The following TTN variants were observed in gnomAD, a reference collection of about 807,000 sequenced individuals.
TTN encodes connectin.
A neutral mutation model predicts 3,223.0 loss-of-function variants in TTN; 1,525 were observed. The ratio of observed to expected loss-of-function variants is 0.47; its 90% CI spans 0.45 to 0.49. The LOEUF is 0.49. Among genes scored for constraint, TTN ranks in the 20% least tolerant of loss-of-function variants. The probability of loss-of-function intolerance (pLI) is 0.00; values close to 1 mark genes in which losing one functional copy is unlikely to be tolerated. For synonymous variants in TTN, 14,094 were observed against 15,161.0 expected (o/e 0.93, Z 5.17); for missense variants, 40,786 against 43,424.0 (o/e 0.94, Z 5.40).
intron 9 of TTN, among the ~76,000 whole-genome samples, chr2:178,792,957 T>C (rs937465341): frequency 6.6e-6 from 1 of 152,216 alleles, no homozygotes; most frequent in Non-Finnish European, 1.5e-5. Context: ...AGCCATGCTG[T>C]CCATTCCACT....
Position 178,636,888 on chromosome 2 carries a change from G to T in TTN, c.40928-89C>A. ...GGCTGCCTGCTGGATAAAACCAGCCGTAAAGCAATTAGAAGACGAGAAAAC... is the reference window on the plus strand; with the variant it reads ...GGCTGCCTGCTGGATAAAACCAGCCTTAAAGCAATTAGAAGACGAGAAAAC... On this transcript the variant is annotated intron_variant, in intron 224 of 362. Coordinates refer to ENST00000589042, the MANE Select transcript of TTN (RefSeq NM_001267550.2). The surrounding 1 kb of genome is among the most constrained non-coding windows in gnomAD (Gnocchi z 4.3). 1 of 1,404,642 alleles carries T rather than the reference G, an allele frequency of 7.1e-7. No homozygotes were observed. The highest frequency in any genetic ancestry group is 9.5e-7 in the Non-Finnish European group (1 of 1,058,006). 87.0% of individuals were successfully genotyped at this position (1,404,642 alleles called of 1,614,324 possible).
Position 178,559,429 on chromosome 2 carries a change from G to A in TTN, c.86703C>T (p.Arg28901=), listed in dbSNP as rs1318186702. The A allele has an allele frequency of 2.5e-6, 4 of 1,613,614 alleles. No homozygotes were observed. The African/African-American group carries it at 5.3e-5, about 22-fold the overall frequency. The part of the protein sequence containing the change: ...AWVSVTNNCN[R]LSYKVTNLQE... ...GTAAATTGGTAACTTTGTAGGAGAG[G>A]CGGTTACAGTTGTTGGTCACAGAGA... Residue 28901 remains arginine, a synonymous_variant, in exon 326 of 363, where the codon CGC becomes CGT. Coordinates refer to ENST00000589042, the MANE Select transcript of TTN (RefSeq NM_001267550.2).
At chr2:178,593,148 CTG>C in intron 299 of TTN, 23 bp downstream of exon 299, 1 of 1,610,666 alleles carries the variant, frequency 6.2e-7, no homozygotes, top group Non-Finnish European at 8.5e-7. Flanking sequence ...AACATGAAAA[CTG>C]AATAAATCCA....
rs370410987 is a variant in TTN at position 178,670,688 on chromosome 2, T to C, written c.35309-393A>G. Among the ~76,000 whole-genome samples, 16 of 152,074 alleles carry C rather than the reference T, an allele frequency of 1.1e-4. No individual in the cohort carries two copies. In the South Asian group the frequency reaches 2.7e-3, roughly 26 times the overall value. ...TATTTCTATTGTGAAATTTAAGAGA[T>C]TTGCAAAAATGAACAAAGCAAGAAC... is the stretch of plus-strand genomic sequence containing the variant. On this transcript the variant is annotated intron_variant, in intron 156 of 362. Coordinates refer to ENST00000589042, the MANE Select transcript of TTN (RefSeq NM_001267550.2).
At position 178,749,196 on chromosome 2, in the gene TTN, G is replaced by A. The variant is rs370602665; in HGVS notation, c.11311+3928C>T. On this transcript the variant is annotated intron_variant, in intron 47 of 362. Transcript: ENST00000589042. ...ACATTTTCCTTTTCTGATCTACCAA[G>A]TTTTCCAAAATTATTTCTTATTTCT... The A allele has an allele frequency of 4.7e-5, 76 of 1,611,060 alleles. No individual in the cohort carries two copies. The Middle Eastern group carries it at 1.8e-3, about 39-fold the overall frequency.
chr2:178,749,306 T>G (rs776814129), intron 47 of TTN: 2 of 1,612,002 alleles, frequency 1.2e-6, no homozygotes, highest in Non-Finnish European at 1.7e-6. Flanking sequence ...TTCACTTACA[T>G]GTCTCTCTTT....
At chr2:178,638,139 C>T (rs1479519542) in intron 223 of TTN, among the ~76,000 whole-genome samples, 2 of 151,818 alleles carry the variant, frequency 1.3e-5, no homozygotes, top group Admixed American at 1.3e-4. Flanking sequence ...AAAAGTACTA[C>T]GTTGACATTA....
At position 178,567,990 on chromosome 2, in the gene TTN, T is replaced by C; in HGVS notation, c.78142A>G (p.Thr26048Ala). Residue 26048 changes from threonine (T) to alanine (A), a missense_variant, in exon 326 of 363, where the codon ACC (threonine) becomes GCC (alanine). Thr to Ala is a moderately conservative substitution (Grantham distance 58, BLOSUM62 0). Coordinates refer to ENST00000589042, the MANE Select transcript of TTN (RefSeq NM_001267550.2). ...TCAAGATTCTGTGCTTTGAATTGGG[T>C]GTCATGAATAATAGTTTTGTTGACC... ...TKVNKTIIHD[T>A]QFKAQNLEEG... 1 of 1,613,472 alleles carries C rather than the reference T, an allele frequency of 6.2e-7. No homozygotes were observed. The highest frequency in any genetic ancestry group is 8.5e-7 in the Non-Finnish European group (1 of 1,179,594).
At position 178,663,918 on chromosome 2, in the gene TTN, T is replaced by C. The variant is rs372846061; in HGVS notation, c.36365-16A>G. The C allele has an allele frequency of 6.6e-5, 106 of 1,613,088 alleles. No individual in the cohort carries two copies. In the African/African-American group the frequency reaches 1.2e-3, roughly 19 times the overall value. On this transcript the variant is annotated splice_polypyrimidine_tract_variant and intron_variant, in intron 169 of 362. Transcript: ENST00000589042. ...GCTTCTGGCACTTGAAAGATATTAG[T>C]GAAATTACATTTAGGTGTTATGAAG... is the stretch of plus-strand genomic sequence containing the variant.
chr2:178,724,429 G>A lies in TTN; in HGVS notation c.20946C>T (p.Tyr6982=), dbSNP rs2078983817. The change falls in exon 72 of 363, where the codon TAC becomes TAT. Residue 6982 remains tyrosine (Y), a synonymous_variant. Transcript: ENST00000589042. ...AGTPELSVEW[Y]KDGKLLTSSQ... is the part of the protein sequence containing the mutation. ...TGCTGGTCAACAGCTTTCCATCCTTGTACCATTCAACAGAGAGTTCCGGAG... is the reference window on the plus strand; with the variant it reads ...TGCTGGTCAACAGCTTTCCATCCTTATACCATTCAACAGAGAGTTCCGGAG... The A allele has an allele frequency of 1.2e-6, 2 of 1,613,410 alleles. No individual in the cohort carries two copies. Among genetic ancestry groups the A allele is most frequent in the East Asian group, 4.5e-5 (2 of 44,844 alleles).
At position 178,733,337 on chromosome 2, in the gene TTN, T is replaced by C. The variant is rs779733584; in HGVS notation, c.15956A>G (p.Lys5319Arg). ...GTCGTGCAGCTCAGCTGAATAAAAT[T>C]TGAGCTGGGCAACATTGTTTTTAAA... ...ISFKNNVAQL[K>R]FYSAELHDSG... Residue 5319 changes from lysine to arginine, a missense_variant, in exon 54 of 363, where the codon AAA becomes AGA. Physicochemically the swap from Lys to Arg is conservative, Grantham distance 26 (BLOSUM62 2). Coordinates refer to ENST00000589042, the MANE Select transcript of TTN (RefSeq NM_001267550.2). 1.9e-6 allele frequency: 3 copies of C among 1,613,714 alleles called. No individual in the cohort carries two copies. The highest frequency in any genetic ancestry group is 2.5e-6 in the Non-Finnish European group (3 of 1,179,792).
At position 178,534,844 on chromosome 2, in the gene TTN, C is replaced by T; in HGVS notation, c.101771G>A (p.Cys33924Tyr). 1 of 1,609,238 alleles carries T rather than the reference C, an allele frequency of 6.2e-7. No homozygotes were observed. Among genetic ancestry groups the T allele is most frequent in the Non-Finnish European group, 8.5e-7 (1 of 1,179,806 alleles). ...REIVSYVHQVCEALQFLHSHN... is the reference protein window; with the variant it reads ...REIVSYVHQVYEALQFLHSHN... ...ACTGTGTAAAAACTGAAGTGCTTCA[C>T]AGACCTGGTGAACATAACTTACAAT... is the stretch of plus-strand genomic sequence containing the variant. The change falls in exon 358 of 363, where the codon TGT becomes TAT. Residue 33924 changes from cysteine (C) to tyrosine (Y), a missense_variant. Physicochemically the swap from Cys to Tyr is radical, Grantham distance 194. Transcript: ENST00000589042.
Position 178,593,560 on chromosome 2 carries a change from A to T in TTN, c.58732+8T>A. 6.2e-7 allele frequency: 1 copy of T among 1,609,610 alleles called. No homozygotes were observed. Among genetic ancestry groups the T allele is most frequent in the Non-Finnish European group, 8.5e-7 (1 of 1,178,706 alleles). ...CATTGAATCACTAAAAAGAAACATA[A>T]TGCATACTGAAACGATCTTTGGCTT... On this transcript the variant is annotated splice_region_variant and intron_variant, in intron 298 of 362. Coordinates refer to ENST00000589042, the MANE Select transcript of TTN (RefSeq NM_001267550.2).
chr2:178,581,997 G>A lies in TTN; in HGVS notation c.66372C>T (p.Thr22124=), dbSNP rs756981729. 5.1e-5 allele frequency: 83 copies of A among 1,613,102 alleles called. No homozygotes were observed. The South Asian group carries it at 6.7e-4, about 13-fold the overall frequency. Residue 22124 remains threonine (T), a synonymous_variant, in exon 315 of 363, where the codon ACC becomes ACT. Coordinates refer to ENST00000589042, the MANE Select transcript of TTN (RefSeq NM_001267550.2). ...TLKATGLQEG[T]EYEFRVTAIN... ...TAGCTGTAACACGGAACTCATATTC[G>A]GTACCTTCTTGAAGACCTGTTGCTT... is the stretch of plus-strand genomic sequence containing the variant.
Position 178,718,905 on chromosome 2 carries a change from T to C in TTN, c.24295A>G (p.Ser8099Gly). 6.2e-7 allele frequency: 1 copy of C among 1,613,306 alleles called. No individual in the cohort carries two copies. Among genetic ancestry groups the C allele is most frequent in the African/African-American group, 1.3e-5 (1 of 75,024 alleles). Reference sequence around the variant, plus strand: ...AAAGGAGGGGTGCCTCTGATGACACTGGTGAATGTGAGGCTCATTCCAGGC... The same window carrying C: ...AAAGGAGGGGTGCCTCTGATGACACCGGTGAATGTGAGGCTCATTCCAGGC... ...VLPGMSLTFT[S>G]VIRGTPPFKV... The change falls in exon 84 of 363, where the codon AGT (serine) becomes GGT (glycine). Residue 8099 changes from serine to glycine, a missense_variant. Transcript: ENST00000589042.
rs1448184076 is a variant in TTN, at chr2:178,697,120, C to A, written c.30802+1G>T. 2 of 1,547,130 alleles carry A rather than the reference C, an allele frequency of 1.3e-6. No individual in the cohort carries two copies. The highest frequency in any genetic ancestry group is 2.4e-5 in the South Asian group (2 of 83,288). On this transcript the variant is annotated splice_donor_variant, in intron 113 of 362. Coordinates refer to ENST00000589042, the MANE Select transcript of TTN (RefSeq NM_001267550.2). LOFTEE classifies it high-confidence loss of function. ...AATAAAAATAATTTATCTTTATTTA[C>A]CTTTTGCTGGAATTAAGGTAGTAGG...
intron 135 of TTN, 56 bp from the exon 136 acceptor site, chr2:178,681,794 T>C: frequency 7.0e-7 from 1 of 1,418,992 alleles, no homozygotes; most frequent in Non-Finnish European, 9.6e-7. Flanking sequence ...AGTTTAAACA[T>C]TTCTTAAAAG....
intron 13 of TTN, among the ~76,000 whole-genome samples, chr2:178,787,494 C>T (rs1479796326): frequency 6.6e-6 from 1 of 152,022 alleles, no homozygotes; most frequent in Non-Finnish European, 1.5e-5. Flanking sequence ...TTAACATCTT[C>T]GACAGATAAC....
At position 178,645,903 on chromosome 2, in the gene TTN, G is replaced by A. The variant is rs979725438; in HGVS notation, c.40408+17C>T. On this transcript the variant is annotated intron_variant, in intron 217 of 362. Coordinates refer to ENST00000589042, the MANE Select transcript of TTN (RefSeq NM_001267550.2). ...TTTGAAGCAGGCTAATAAAACTTTG[G>A]AAGTGGCATTTTTTACCTTTAAGTT... is the stretch of plus-strand genomic sequence containing the variant. 6 of 1,495,292 alleles carry A rather than the reference G, an allele frequency of 4.0e-6. No homozygotes were observed. Among genetic ancestry groups the A allele is most frequent in the Admixed American group, 4.3e-5 (2 of 46,018 alleles). The allele number at this position is 1,495,292 out of a possible 1,614,324, so 92.6% of individuals were successfully genotyped here.
Sources: gnomAD v4.1 joint callset for allele counts (sites outside exome capture counted in the v4.1 genomes callset) on GRCh38, gnomAD v4.1.1 for gene constraint, Gnocchi (gnomAD v3.1) non-coding constraint, MANE v1.5 for transcripts, NCBI Gene and HGNC (gene_info 2026-07-23, HGNC 2026-07-21) for gene names.